TMC3: variants seen among roughly 807,000 people sequenced by gnomAD.
TMC3 encodes the protein transmembrane channel like 3.
TMC3 carries 98 observed loss-of-function variants against 110.6 expected under a neutral mutation model. The observed-to-expected ratio is 0.89, with a 90% CI of 0.75 to 1.05. The LOEUF is 1.05. Ranked by LOEUF, TMC3 falls within the 50% of genes least tolerant of loss-of-function variation. The probability of loss-of-function intolerance (pLI) is 0.00; values close to 1 mark genes in which losing one functional copy is unlikely to be tolerated. For missense variants in TMC3, 1,319 were observed against 1,373.2 expected (o/e 0.96, Z 0.62); for synonymous variants, 489 against 513.1 (o/e 0.95, Z 0.63).
chr15:81,347,867 G>A (rs1385920175), intron 11 of TMC3, among the ~76,000 whole-genome samples: 1 of 152,228 alleles, frequency 6.6e-6, no homozygotes, highest in African/African-American at 2.4e-5. Flanking sequence ...CGTGTTGGGT[G>A]GAGCAGAAAG....
intron 10 of TMC3, among the ~76,000 whole-genome samples, chr15:81,351,314 G>A (rs1403348096): frequency 2.6e-5 from 4 of 151,022 alleles, no homozygotes; most frequent in Non-Finnish European, 5.9e-5. Flanking sequence ...AAGGAACAGA[G>A]AGGCAGGCTA....
Position 81,341,443 on chromosome 15 carries a change from G to C in TMC3, c.1791C>G (p.Ser597Arg). ...GCACATTGCAGGTCAGCACAGCCCAGCTTCTCAGGTACATGAGCCCAATGA... is the reference window on the plus strand; with the variant it reads ...GCACATTGCAGGTCAGCACAGCCCACCTTCTCAGGTACATGAGCCCAATGA... Reference protein sequence around the residue: ...LKLIGLMYLRSWAVLTCNVPH... With the variant: ...LKLIGLMYLRRWAVLTCNVPH... Residue 597 changes from serine (S) to arginine (R), a missense_variant, in exon 16 of 22, where the codon AGC becomes AGG. Coordinates refer to ENST00000359440, the MANE Select transcript of TMC3 (RefSeq NM_001080532.3). The C allele has an allele frequency of 6.2e-7, 1 of 1,611,850 alleles. No homozygotes were observed. Among genetic ancestry groups the C allele is most frequent in the Admixed American group, 1.7e-5 (1 of 59,790 alleles).
chr15:81,373,606 C>T (rs1894484478), intron 1 of TMC3, among the ~76,000 whole-genome samples: 1 of 152,198 alleles, frequency 6.6e-6, no homozygotes, highest in South Asian at 2.1e-4. Context: ...CCACTTCTAA[C>T]TAGCCTGAAG....
chr15:81,363,640 A>G (rs2141421016), intron 3 of TMC3, among the ~76,000 whole-genome samples: 1 of 152,360 alleles, frequency 6.6e-6, no homozygotes, highest in East Asian at 1.9e-4. Context: ...ACTCAAATAC[A>G]GCCACTCCCA....
intron 18 of TMC3, among the ~76,000 whole-genome samples, chr15:81,338,449 G>A (rs962965131): frequency 3.9e-5 from 6 of 152,074 alleles, no homozygotes; most frequent in African/African-American, 1.2e-4. Context: ...ATCGCCCCTC[G>A]CTGAGACCCA....
intron 18 of TMC3, among the ~76,000 whole-genome samples, chr15:81,338,309 T>A (rs1229989651): frequency 6.6e-6 from 1 of 152,190 alleles, no homozygotes; most frequent in Admixed American, 6.5e-5. Context: ...AGTTGTGAAA[T>A]TCCTTTTCAG....
chr15:81,348,129 G>C (rs1278396239), intron 11 of TMC3, among the ~76,000 whole-genome samples: 1 of 152,238 alleles, frequency 6.6e-6, no homozygotes, highest in Non-Finnish European at 1.5e-5. Context: ...TAGAACCTTA[G>C]AGTTGAGTAG....
In TMC3 at chr15:81,332,620, G is replaced by T. The variant is rs115607037; in HGVS notation, c.3102C>A (p.Phe1034Leu). The change falls in exon 22 of 22, where the codon TTC becomes TTA. Residue 1034 changes from phenylalanine (F) to leucine (L), a missense_variant. Phe to Leu is a conservative substitution (Grantham distance 22). Transcript: ENST00000359440. ...PPLKPRGKPRFEPSLTESDSV... is the reference protein window; with the variant it reads ...PPLKPRGKPRLEPSLTESDSV... ...AGTCAGATTCCGTGAGGGATGGCTC[G>T]AACCTGGGCTTCCCTCTGGGCTTCA... 5.8e-5 allele frequency: 93 copies of T among 1,613,990 alleles called. No homozygotes were observed. The African/African-American group carries it at 1.1e-3, about 20-fold the overall frequency.
At chr15:81,354,693 C>T (rs1335361168) in intron 9 of TMC3, among the ~76,000 whole-genome samples, 1 of 152,148 alleles carries the variant, frequency 6.6e-6, no homozygotes, top group African/African-American at 2.4e-5. Flanking sequence ...AAGGGGCACC[C>T]AAGGTATACT....
intron 10 of TMC3, 99 bp downstream of exon 10, chr15:81,351,595 A>C (rs1596086804): frequency 6.9e-7 from 1 of 1,444,228 alleles, no homozygotes; most frequent in Non-Finnish European, 9.3e-7. Flanking sequence ...CAAGTGATCC[A>C]CCTGCCCCAG....
rs778542455 is a variant in TMC3 at position 81,344,007 on chromosome 15, G to A, written c.1557C>T (p.Thr519=). 17 of 1,612,416 alleles carry A rather than the reference G, an allele frequency of 1.1e-5. No individual in the cohort carries two copies. Among genetic ancestry groups the A allele is most frequent in the Middle Eastern group, 1.6e-4 (1 of 6,072 alleles). The change falls in exon 14 of 22, where the codon ACC becomes ACT. Residue 519 remains threonine, a synonymous_variant. Transcript: ENST00000359440. The part of the protein sequence containing the change: ...LKLSIIDMLF[T]VASILLIDFF... Reference sequence around the variant, plus strand: ...AGTCTATGAGCAGAATGCTCGCCACGGTGAAGAGCATGTCAATGATGGAGA... The same window carrying A: ...AGTCTATGAGCAGAATGCTCGCCACAGTGAAGAGCATGTCAATGATGGAGA...
rs181224593 is a variant in TMC3, at chr15:81,374,038, G to A, written c.40C>T (p.Arg14Trp). ...AGGTAGCACTGGCTGGCATTTCTCC[G>A]GATGCCTCTATAGCGCTGGGATGCC... ...SKASQRYRGI[R>W]RNASQCYLYQ... Residue 14 changes from arginine to tryptophan, a missense_variant, in exon 1 of 22, where the codon CGG becomes TGG. Coordinates refer to ENST00000359440, the MANE Select transcript of TMC3 (RefSeq NM_001080532.3). 8.4e-5 allele frequency: 135 copies of A among 1,613,800 alleles called. No individual in the cohort carries two copies. The Middle Eastern group carries it at 9.9e-4, about 12-fold the overall frequency.
rs1448554198 is a variant in TMC3 at position 81,336,652 on chromosome 15, C to G, written c.2161-1G>C. The G allele has an allele frequency of 6.2e-7, 1 of 1,613,928 alleles. No individual in the cohort carries two copies. Among genetic ancestry groups the G allele is most frequent in the African/African-American group, 1.3e-5 (1 of 75,044 alleles). On this transcript the variant is annotated splice_acceptor_variant, in intron 19 of 21. Coordinates refer to ENST00000359440, the MANE Select transcript of TMC3 (RefSeq NM_001080532.3). LOFTEE classifies it high-confidence loss of function. ...CCTTTTTCTTATCCTCTGATCTTGC[C>G]TAAAATGCAAATGATATGCATGTTT...
In TMC3 at chr15:81,333,210, G is replaced by C; in HGVS notation, c.2512C>G (p.Arg838Gly). 1.2e-6 allele frequency: 2 copies of C among 1,613,890 alleles called. No individual in the cohort carries two copies. Among genetic ancestry groups the C allele is most frequent in the Non-Finnish European group, 1.7e-6 (2 of 1,179,832 alleles). The change falls in exon 22 of 22, where the codon CGC becomes GGC. Residue 838 changes from arginine (R) to glycine (G), a missense_variant. Transcript: ENST00000359440. ...STSDLHRNRSRTPMTFTTHIE... is the reference protein window; with the variant it reads ...STSDLHRNRSGTPMTFTTHIE... ...TGCGTTGTAAATGTCATAGGTGTGC[G>C]CGATCTGTTCCTGTGAAGGTCACTG...
At chr15:81,369,768 T>TA (rs1894394305) in intron 2 of TMC3, among the ~76,000 whole-genome samples, 2 of 151,360 alleles carry the variant, frequency 1.3e-5, no homozygotes, top group South Asian at 2.1e-4. Flanking sequence ...TACAAAAATA[T>TA]TAAAAAAATT....
intron 4 of TMC3, among the ~76,000 whole-genome samples, chr15:81,360,796 C>T (rs539643609): frequency 1.4e-4 from 21 of 151,956 alleles, no homozygotes; most frequent in African/African-American, 3.6e-4. Context: ...GGTGAGTGGG[C>T]GATTGGGGTG....
intron 20 of TMC3, among the ~76,000 whole-genome samples, chr15:81,336,320 AG>A (rs1326665472): frequency 6.6e-6 from 1 of 152,148 alleles, no homozygotes; most frequent in Non-Finnish European, 1.5e-5. Context: ...AGCTAGCTCT[AG>A]GGGCTAGCTC....
At chr15:81,368,224 C>T (rs533088896) in intron 3 of TMC3, 29 bp downstream of exon 3, 28 of 1,584,790 alleles carry the variant, frequency 1.8e-5, no homozygotes, top group African/African-American at 1.1e-4. Flanking sequence ...TGAGCCACCG[C>T]GCCCAGCCAC....
intron 2 of TMC3, among the ~76,000 whole-genome samples, chr15:81,371,279 T>C (rs1233725290): frequency 6.6e-6 from 1 of 152,226 alleles, no homozygotes; most frequent in Non-Finnish European, 1.5e-5. Flanking sequence ...ATCAAAACTA[T>C]GGATGACTTC....
Sources: gnomAD v4.1 joint callset for allele counts (sites outside exome capture counted in the v4.1 genomes callset) on GRCh38, gnomAD v4.1.1 for gene constraint, MANE v1.5 for transcripts, NCBI Gene and HGNC (gene_info 2026-07-23, HGNC 2026-07-21) for gene names.